Variants in RAB7A observed in about 807,000 individuals in gnomAD.
RAB7A encodes RAB7A, member RAS oncogene family, also known as ras-related protein Rab-7a.
In RAB7A, 2 loss-of-function variants were observed where a neutral mutation model predicts 24.5. The ratio of observed to expected loss-of-function variants is 0.08; its 90% CI spans 0.03 to 0.26. The LOEUF (loss-of-function observed/expected upper bound fraction) is 0.26, where lower values mean the gene tolerates loss of function less well. RAB7A is among the 10% of genes least tolerant of loss of function. RAB7A has a pLI of 1.00. For synonymous variants in RAB7A, 100 were observed against 95.9 expected, an observed-to-expected ratio of 1.04 and a Z score of -0.25; for missense variants, 118 against 255.7, an observed-to-expected ratio of 0.46 and a Z score of 3.67.
At chr3:128,809,483 T>A (rs577048275) in intron 5 of RAB7A, among the ~76,000 whole-genome samples, 391 of 152,320 alleles carry the variant, frequency 2.6e-3, no homozygotes, top group African/African-American at 9.0e-3. Flanking sequence ...CAGCACATGG[T>A]TGGGCCTCTC....
chr3:128,756,893 G>A (rs1377601802), intron 1 of RAB7A, among the ~76,000 whole-genome samples: 1 of 151,100 alleles, frequency 6.6e-6, no homozygotes. Flanking sequence ...ACCCACGCTG[G>A]AGTGCAGTGG....
At chr3:128,768,000 A>T (rs943193673) in intron 1 of RAB7A, among the ~76,000 whole-genome samples, 20 of 152,258 alleles carry the variant, frequency 1.3e-4, no homozygotes, top group Admixed American at 1.2e-3. Flanking sequence ...ATTGTGTGAA[A>T]CCATCACCAT....
intron 1 of RAB7A, among the ~76,000 whole-genome samples, chr3:128,744,500 T>C (rs1474428426): frequency 6.6e-6 from 1 of 152,204 alleles, no homozygotes; most frequent in Non-Finnish European, 1.5e-5. Flanking sequence ...TACATTCCAC[T>C]GTAATAAAAA....
At chr3:128,741,947 G>C (rs1462803721) in intron 1 of RAB7A, among the ~76,000 whole-genome samples, 3 of 152,082 alleles carry the variant, frequency 2.0e-5, no homozygotes, top group East Asian at 3.9e-4. Context: ...TCAGCCTTCT[G>C]AGTAGCTAGT....
chr3:128,744,813 A>G (rs1221588890), intron 1 of RAB7A, among the ~76,000 whole-genome samples: 2 of 151,612 alleles, frequency 1.3e-5, no homozygotes. Context: ...CACTTGTAAT[A>G]ATTTTTTGCT....
Position 128,747,543 on chromosome 3 carries a change from G to T in RAB7A, c.-9+21184G>T, listed in dbSNP as rs1442255342. ...GGAGGTTGCAGTGAGCCGAGATCAC[G>T]CCATTGCACTCCAGCCTGGGCAAGA... On this transcript the variant is annotated intron_variant, in intron 1 of 5. Transcript: ENST00000265062. Among the ~76,000 whole-genome samples, 4 of 151,258 alleles carry T rather than the reference G, an allele frequency of 2.6e-5. 1 individual carries two copies. Among genetic ancestry groups the T allele is most frequent in the African/African-American group, 4.9e-5 (2 of 40,726 alleles).
chr3:128,804,114 G>GCCCCCCCCC (rs200546571), intron 3 of RAB7A, among the ~76,000 whole-genome samples: 1 of 146,878 alleles, frequency 6.8e-6, no homozygotes, highest in African/African-American at 2.6e-5. Flanking sequence ...ACCTCCCTGG[G>GCCCCCCCCC]CCCCCCCCCG....
chr3:128,768,648 T>G (rs2070855018), intron 1 of RAB7A, among the ~76,000 whole-genome samples: 1 of 151,852 alleles, frequency 6.6e-6, no homozygotes, highest in Admixed American at 6.6e-5. Flanking sequence ...ACCTTCATCC[T>G]CCCAGGCTCA....
intron 1 of RAB7A, among the ~76,000 whole-genome samples, chr3:128,779,117 A>G (rs1933158362): frequency 6.6e-6 from 1 of 152,180 alleles, no homozygotes; most frequent in Non-Finnish European, 1.5e-5. Flanking sequence ...AATGACTTTT[A>G]AGGATTCATT....
At chr3:128,778,711 A>G (rs558035194) in intron 1 of RAB7A, among the ~76,000 whole-genome samples, 13 of 152,368 alleles carry the variant, frequency 8.5e-5, no homozygotes, top group African/African-American at 2.9e-4. Context: ...TACTTGTACA[A>G]AGATACAGAC....
intron 1 of RAB7A, among the ~76,000 whole-genome samples, chr3:128,727,782 T>G (rs1208046822): frequency 6.6e-6 from 1 of 152,242 alleles, no homozygotes; most frequent in East Asian, 1.9e-4. Flanking sequence ...GCACATGATT[T>G]CTCATCCATG....
At chr3:128,789,476 G>T (rs1032759320) in intron 1 of RAB7A, among the ~76,000 whole-genome samples, 1 of 151,294 alleles carries the variant, frequency 6.6e-6, no homozygotes, top group Non-Finnish European at 1.5e-5. Context: ...GTTATTACAG[G>T]TGTGTTTCAC....
chr3:128,790,857 G>A (rs1484200639), intron 1 of RAB7A, among the ~76,000 whole-genome samples: 1 of 152,060 alleles, frequency 6.6e-6, no homozygotes, highest in Non-Finnish European at 1.5e-5. Context: ...GAATAAAAAC[G>A]GGATTGTTTA....
chr3:128,752,673 G>A (rs965310161), intron 1 of RAB7A, among the ~76,000 whole-genome samples: 6 of 151,296 alleles, frequency 4.0e-5, no homozygotes, highest in African/African-American at 1.2e-4. Flanking sequence ...GCAAGAAATG[G>A]GCCAGTTGTA....
At chr3:128,767,577 G>T (rs1218350186) in intron 1 of RAB7A, among the ~76,000 whole-genome samples, 1 of 152,224 alleles carries the variant, frequency 6.6e-6, no homozygotes, top group Non-Finnish European at 1.5e-5. Flanking sequence ...AGATGTGATG[G>T]TTGGGGTAAA....
At chr3:128,813,287 A>G (rs746809904) in intron 5 of RAB7A, 40 bp from the exon 6 acceptor site, 31 of 1,572,988 alleles carry the variant, frequency 2.0e-5, no homozygotes, top group East Asian at 1.8e-4. Flanking sequence ...AAATGTTTCT[A>G]TTCCCTGAGT....
In RAB7A at chr3:128,742,649, C is replaced by T. The variant is rs532241340; in HGVS notation, c.-9+16290C>T. 6.6e-5 allele frequency among the ~76,000 whole-genome samples: 10 copies of T among 152,238 alleles called. No individual in the cohort carries two copies. The South Asian group carries it at 2.1e-3, about 32-fold the overall frequency. On this transcript the variant is annotated intron_variant, in intron 1 of 5. Coordinates refer to ENST00000265062, the MANE Select transcript of RAB7A (RefSeq NM_004637.6). ...GATTGGTGCATTTAGAAACCTTGAG[C>T]TAGACACAGAGTGCTGATTGGTGCG... is the stretch of plus-strand genomic sequence containing the variant.
chr3:128,761,744 AT>A, intron 1 of RAB7A, among the ~76,000 whole-genome samples: 1 of 152,362 alleles, frequency 6.6e-6, no homozygotes, highest in Non-Finnish European at 1.5e-5. Flanking sequence ...GAAAATTGGA[AT>A]TTTAGTTAAA....
intron 1 of RAB7A, among the ~76,000 whole-genome samples, chr3:128,768,535 A>G (rs577526774): frequency 4.6e-5 from 7 of 152,150 alleles, no homozygotes; most frequent in South Asian, 2.1e-4. Flanking sequence ...AAATTTGCCT[A>G]TGTAAAGTGT....
Sources: allele counts gnomAD v4.1 joint callset (sites outside exome capture counted in the v4.1 genomes callset), GRCh38; gene constraint gnomAD v4.1.1; transcripts MANE v1.5; gene names NCBI Gene and HGNC (gene_info 2026-07-23, HGNC 2026-07-21).